TENM4: variants seen among roughly 807,000 people sequenced by gnomAD.
The protein encoded by TENM4 is teneurin transmembrane protein 4.
A neutral mutation model predicts 243.3 loss-of-function variants in TENM4; 82 were observed. The observed-to-expected ratio is 0.34, with a 90% CI of 0.28 to 0.40. The LOEUF (loss-of-function observed/expected upper bound fraction) is 0.40, where lower values mean the gene tolerates loss of function less well. Ranked by LOEUF, TENM4 falls within the 10% of genes least tolerant of loss-of-function variation. The pLI, the probability that TENM4 is intolerant of heterozygous loss-of-function variation, is 1.00. For missense variants in TENM4, 3,138 were observed against 3,673.3 expected (o/e 0.85, Z 3.77); for synonymous variants, 1,412 against 1,456.3 (o/e 0.97, Z 0.69).
intron 14 of TENM4, among the ~76,000 whole-genome samples, chr11:78,807,993 G>A (rs1196155575): frequency 6.6e-6 from 1 of 152,208 alleles, no homozygotes; most frequent in African/African-American, 2.4e-5. Context: ...GTTGCAAAGA[G>A]GTTATCTTCC....
At chr11:78,884,491 G>C (rs1363728351) in intron 9 of TENM4, among the ~76,000 whole-genome samples, 1 of 152,162 alleles carries the variant, frequency 6.6e-6, no homozygotes, top group African/African-American at 2.4e-5. Context: ...TTGGCTGAAA[G>C]CATGGCCTTT....
intron 29 of TENM4, among the ~76,000 whole-genome samples, chr11:78,677,808 A>T (rs1049435618): frequency 6.7e-6 from 1 of 150,004 alleles, no homozygotes; most frequent in African/African-American, 2.5e-5. Context: ...GTTTTAGGGT[A>T]CATGTGCACA....
At chr11:78,995,027 G>C (rs1046516678) in intron 6 of TENM4, among the ~76,000 whole-genome samples, 1 of 152,202 alleles carries the variant, frequency 6.6e-6, no homozygotes, top group Non-Finnish European at 1.5e-5. Context: ...ATAAAGTAGT[G>C]AGTGAGGTGA....
chr11:79,000,014 G>T (rs1484064995), intron 6 of TENM4, among the ~76,000 whole-genome samples: 1 of 152,136 alleles, frequency 6.6e-6, no homozygotes, highest in Non-Finnish European at 1.5e-5. Flanking sequence ...TTTGAAAATT[G>T]GTAAGAGAAA....
intron 6 of TENM4, among the ~76,000 whole-genome samples, chr11:78,995,073 ATGGACT>A (rs1858138760): frequency 6.6e-6 from 1 of 152,198 alleles, no homozygotes; most frequent in South Asian, 2.1e-4. Context: ...GGTAAGGGAG[ATGGACT>A]TGGAAGTCTA....
chr11:78,738,371 T>G, intron 20 of TENM4, 80 bp downstream of exon 20: 3 of 1,517,932 alleles, frequency 2.0e-6, no homozygotes, highest in African/African-American at 1.4e-5. Flanking sequence ...TCTTTCCACA[T>G]TATCAGTCCA....
intron 2 of TENM4, among the ~76,000 whole-genome samples, chr11:79,234,597 C>G (rs1237420743): frequency 6.6e-6 from 1 of 152,144 alleles, no homozygotes; most frequent in Non-Finnish European, 1.5e-5. Flanking sequence ...AGGGAAGGTC[C>G]CATGTGCTCC....
intron 1 of TENM4, among the ~76,000 whole-genome samples, chr11:79,401,758 C>T (rs1306863518): frequency 6.6e-6 from 1 of 152,206 alleles, no homozygotes; most frequent in African/African-American, 2.4e-5. Context: ...GATCTTTGAT[C>T]TGGGGGACCA....
Position 78,657,940 on chromosome 11 carries a change from C to A in TENM4, c.*118G>T. Reference sequence around the variant, plus strand: ...GGATGTTGCATGAGTTACAATGCAACCAGTATCTTTTTGTTTCTGCACTTG... The same window carrying A: ...GGATGTTGCATGAGTTACAATGCAAACAGTATCTTTTTGTTTCTGCACTTG... On this transcript the variant is annotated 3_prime_UTR_variant, in exon 34 of 34. Coordinates refer to ENST00000278550, the MANE Select transcript of TENM4 (RefSeq NM_001098816.3). 6.8e-7 allele frequency: 1 copy of A among 1,472,414 alleles called. No homozygotes were observed. The highest frequency in any genetic ancestry group is 9.5e-7 in the Non-Finnish European group (1 of 1,057,066). 91.2% of individuals were successfully genotyped at this position (1,472,414 alleles called of 1,614,324 possible).
intron 12 of TENM4, among the ~76,000 whole-genome samples, chr11:78,814,749 G>C (rs1171703518): frequency 1.3e-5 from 2 of 152,180 alleles, no homozygotes; most frequent in Non-Finnish European, 2.9e-5. Context: ...GATTCTTATA[G>C]TCTTCTTTAT....
intron 1 of TENM4, among the ~76,000 whole-genome samples, chr11:79,422,694 A>T (rs1858960837): frequency 6.6e-6 from 1 of 152,158 alleles, no homozygotes; most frequent in African/African-American, 2.4e-5. Flanking sequence ...ATAGTTACAA[A>T]ACACCACACT....
At chr11:79,361,479 C>G (rs1857588129) in intron 1 of TENM4, among the ~76,000 whole-genome samples, 1 of 152,206 alleles carries the variant, frequency 6.6e-6, no homozygotes, top group Non-Finnish European at 1.5e-5. Context: ...CGTGTATCTT[C>G]TCTTCACCCC....
Position 79,283,479 on chromosome 11 carries a change from T to C in TENM4, c.-265+14009A>G, listed in dbSNP as rs1282393536. On this transcript the variant is annotated intron_variant, in intron 2 of 33. Transcript: ENST00000278550. ...AGACAAAAACCACACGATTATGTCA[T>C]TAGACATGGAAAAAGCACTTCACAA... 9.2e-5 allele frequency among the ~76,000 whole-genome samples: 14 copies of C among 152,220 alleles called. No individual in the cohort carries two copies. In the South Asian group the frequency reaches 2.7e-3, roughly 29 times the overall value.
intron 6 of TENM4, among the ~76,000 whole-genome samples, chr11:78,942,637 G>A (rs1303198892): frequency 6.6e-6 from 1 of 152,102 alleles, no homozygotes; most frequent in Non-Finnish European, 1.5e-5. Flanking sequence ...CTAAGTGCAA[G>A]CTCTGTGGGC....
At chr11:79,136,730 A>G (rs1271008932) in intron 4 of TENM4, among the ~76,000 whole-genome samples, 1 of 152,194 alleles carries the variant, frequency 6.6e-6, no homozygotes, top group Non-Finnish European at 1.5e-5. Context: ...AGAATGCCTT[A>G]TCCACTGTCA....
chr11:79,366,121 A>T (rs1431093629), intron 1 of TENM4, among the ~76,000 whole-genome samples: 1 of 152,108 alleles, frequency 6.6e-6, no homozygotes, highest in Non-Finnish European at 1.5e-5. Context: ...CTCTGTGGCC[A>T]TTTTATAGGT....
At chr11:78,775,478 G>A (rs1591014551) in intron 17 of TENM4, among the ~76,000 whole-genome samples, 2 of 152,332 alleles carry the variant, frequency 1.3e-5, no homozygotes, top group East Asian at 3.9e-4. Context: ...TTCTTCAAAT[G>A]GACCAAGTGA....
At chr11:79,172,784 G>A (rs1863074811) in intron 3 of TENM4, among the ~76,000 whole-genome samples, 1 of 150,780 alleles carries the variant, frequency 6.6e-6, no homozygotes, top group African/African-American at 2.4e-5. Flanking sequence ...GATTACAAGT[G>A]TGCACCACCA....
intron 3 of TENM4, among the ~76,000 whole-genome samples, chr11:79,182,987 A>G (rs1863313204): frequency 6.6e-6 from 1 of 152,208 alleles, no homozygotes; most frequent in South Asian, 2.1e-4. Context: ...CTACTTTGGA[A>G]GACAGTTTGG....
Sources: gnomAD v4.1 joint callset for allele counts (sites outside exome capture counted in the v4.1 genomes callset) on GRCh38, gnomAD v4.1.1 for gene constraint, MANE v1.5 for transcripts, NCBI Gene and HGNC (gene_info 2026-07-23, HGNC 2026-07-21) for gene names.